The following CLCA1 variants were observed in gnomAD, a reference collection of about 807,000 sequenced individuals.
The protein encoded by CLCA1 is chloride channel accessory 1, also known as calcium-activated chloride channel regulator 1.
In CLCA1, 59 loss-of-function variants were observed where a neutral mutation model predicts 85.6. That is an observed-to-expected ratio of 0.69 (90% CI 0.56 to 0.86). CLCA1 has a LOEUF of 0.86. CLCA1 is among the 40% of genes least tolerant of loss of function. The pLI is 0.00. For missense variants in CLCA1, 1,022 were observed against 1,101.4 expected, an observed-to-expected ratio of 0.93 and a Z score of 1.02; for synonymous variants, 396 against 398.3, an observed-to-expected ratio of 0.99 and a Z score of 0.07.
chr1:86,492,341 A>T (rs758891903), intron 9 of CLCA1, among the ~76,000 whole-genome samples: 11 of 152,306 alleles, frequency 7.2e-5, no homozygotes, highest in Non-Finnish European at 1.5e-4. Flanking sequence ...AAAAGGGAGG[A>T]ATGTCTCCTA....
rs143090083 is a variant in CLCA1 at position 86,469,539 on chromosome 1, C to T, written c.162+406C>T. Among the ~76,000 whole-genome samples the T allele has an allele frequency of 5.7e-3, 875 of 152,286 alleles. 8 individuals carry two copies. Among genetic ancestry groups the T allele is most frequent in the Middle Eastern group, 0.027 (8 of 294 alleles). On this transcript the variant is annotated intron_variant, in intron 1 of 13. Coordinates refer to ENST00000394711, the MANE Select transcript of CLCA1 (RefSeq NM_001285.4). ...CCTTTTATTCTCCTAATAGGAACCC[C>T]CTTCCCTGTGATCCTAAAAGGAGCC...
intron 7 of CLCA1, 40 bp from the exon 8 acceptor site, chr1:86,488,955 AC>A: frequency 6.5e-7 from 1 of 1,536,562 alleles, no homozygotes; most frequent in South Asian, 1.2e-5. Context: ...CACTTTGGCC[AC>A]CCTAAGTCTG....
At chr1:86,491,170 G>A (rs1648124892) in intron 8 of CLCA1, 95 bp from the exon 9 acceptor site, 1 of 755,872 alleles carries the variant, frequency 1.3e-6, no homozygotes, top group African/African-American at 1.7e-5. Flanking sequence ...TAACACAAAG[G>A]GATATTTATA....
Position 86,493,418 on chromosome 1 carries a change from A to G in CLCA1, c.1499A>G (p.Gln500Arg). The change falls in exon 10 of 14, where the codon CAG (glutamine) becomes CGG (arginine). Residue 500 changes from glutamine (Q) to arginine (R), a missense_variant. Physicochemically the swap from Gln to Arg is conservative, Grantham distance 43. Coordinates refer to ENST00000394711, the MANE Select transcript of CLCA1 (RefSeq NM_001285.4). ...ESKGLTLQNSQWMNGTVIVDS... is the reference protein window; with the variant it reads ...ESKGLTLQNSRWMNGTVIVDS... ...AAGGGATTAACCCTCCAGAACAGCC[A>G]GTGGATGAATGGCACAGTGATCGTG... 1 of 1,614,090 alleles carries G rather than the reference A, an allele frequency of 6.2e-7. No homozygotes were observed. The highest frequency in any genetic ancestry group is 8.5e-7 in the Non-Finnish European group (1 of 1,179,972).
chr1:86,482,320 T>C lies in CLCA1; in HGVS notation c.673T>C (p.Phe225Leu). ...VTGLYEKGCE[F>L]VLQSRQTEKA... ...AGGACTCTATGAAAAAGGATGTGAG[T>C]TTGTTCTCCAATCCCGCCAGACGGA... Residue 225 changes from phenylalanine to leucine, a missense_variant, in exon 5 of 14, where the codon TTT becomes CTT. Phe to Leu is a conservative substitution (Grantham distance 22). Coordinates refer to ENST00000394711, the MANE Select transcript of CLCA1 (RefSeq NM_001285.4). 6.2e-7 allele frequency: 1 copy of C among 1,614,058 alleles called. No homozygotes were observed. The highest frequency in any genetic ancestry group is 8.5e-7 in the Non-Finnish European group (1 of 1,179,982).
Position 86,494,360 on chromosome 1 carries a change from C to A in CLCA1, c.1854C>A (p.Ala618=). Residue 618 remains alanine, a synonymous_variant, in exon 11 of 14, where the codon GCC becomes GCA. Coordinates refer to ENST00000394711, the MANE Select transcript of CLCA1 (RefSeq NM_001285.4). ...LVVYANIRQG[A]SPILRASVTA... is the part of the protein sequence containing the mutation. ...TTTATGCAAATATTCGCCAAGGAGC[C>A]TCCCCAATTCTCAGGGCCAGTGTCA... The A allele has an allele frequency of 6.2e-7, 1 of 1,614,168 alleles. No individual in the cohort carries two copies. The highest frequency in any genetic ancestry group is 2.2e-5 in the East Asian group (1 of 44,874).
At chr1:86,497,641 A>T (rs1048834750) in intron 12 of CLCA1, among the ~76,000 whole-genome samples, 1 of 152,338 alleles carries the variant, frequency 6.6e-6, no homozygotes, top group South Asian at 2.1e-4. Flanking sequence ...AAAATTTTGG[A>T]ACCCTAACAT....
chr1:86,492,257 G>A (rs1648153434), intron 9 of CLCA1, among the ~76,000 whole-genome samples: 1 of 152,138 alleles, frequency 6.6e-6, no homozygotes, highest in African/African-American at 2.4e-5. Flanking sequence ...ATTCAATCTA[G>A]GAAGACAGCA....
intron 4 of CLCA1, among the ~76,000 whole-genome samples, chr1:86,479,299 T>C (rs2734692): frequency 0.48 from 72,656 of 151,916 alleles, 17,490 homozygotes; most frequent in Middle Eastern, 0.61. Context: ...GTAGAAACAA[T>C]GCTAAGAAAT....
chr1:86,477,334 T>C (rs536938209), intron 4 of CLCA1, among the ~76,000 whole-genome samples: 1 of 152,302 alleles, frequency 6.6e-6, no homozygotes, highest in South Asian at 2.1e-4. Context: ...GAAACTTATC[T>C]GAAAAACAAT....
At position 86,473,538 on chromosome 1, in the gene CLCA1, A is replaced by G; in HGVS notation, c.284A>G (p.Lys95Arg). 1 of 1,601,462 alleles carries G rather than the reference A, an allele frequency of 6.2e-7. No individual in the cohort carries two copies. Among genetic ancestry groups the G allele is most frequent in the South Asian group, 1.1e-5 (1 of 89,308 alleles). The change falls in exon 2 of 14, where the codon AAA becomes AGA. Residue 95 changes from lysine (K) to arginine (R), a missense_variant. Transcript: ENST00000394711. ...WKTKADYVRP[K>R]LETYKNADVL... ...ACAAAGGCTGACTATGTGAGACCAA[A>G]ACTTGAGACCTACAAAAATGTGAGA...
intron 3 of CLCA1, among the ~76,000 whole-genome samples, chr1:86,475,239 A>C (rs934862125): frequency 1.3e-5 from 2 of 152,170 alleles, no homozygotes; most frequent in African/African-American, 4.8e-5. Flanking sequence ...ACTCTCTCAC[A>C]ATCATCTTTA....
At chr1:86,481,552 G>C (rs959361694) in intron 4 of CLCA1, among the ~76,000 whole-genome samples, 2 of 152,040 alleles carry the variant, frequency 1.3e-5, no homozygotes, top group African/African-American at 2.4e-5. Context: ...TATACAAAGT[G>C]AAAAATGCTT....
chr1:86,473,358 G>T, intron 1 of CLCA1, 59 bp from the exon 2 acceptor site: 1 of 1,255,690 alleles, frequency 8.0e-7, no homozygotes, highest in Non-Finnish European at 1.1e-6. Context: ...GAATTTGAAT[G>T]ACTGATAATT....
chr1:86,489,884 A>G (rs1272573410), intron 8 of CLCA1, among the ~76,000 whole-genome samples: 1 of 152,164 alleles, frequency 6.6e-6, no homozygotes, highest in African/African-American at 2.4e-5. Flanking sequence ...TTTATTCCTA[A>G]TACTACCTGT....
intron 8 of CLCA1, 33 bp from the exon 9 acceptor site, chr1:86,491,232 A>ATAAGCAGCCTCCCC (rs1384737264): frequency 6.5e-7 from 1 of 1,530,144 alleles, no homozygotes; most frequent in Non-Finnish European, 9.0e-7. Flanking sequence ...TGCTTTCTGG[A>ATAAGCAGCCTCCCC]AAATAATTTC....
rs752724305 is a variant in CLCA1 at position 86,489,137 on chromosome 1, G to T, written c.1324G>T (p.Ala442Ser). 1.2e-6 allele frequency: 2 copies of T among 1,614,050 alleles called. No individual in the cohort carries two copies. Among genetic ancestry groups the T allele is most frequent in the South Asian group, 2.2e-5 (2 of 91,074 alleles). Residue 442 changes from alanine (A) to serine (S), a missense_variant, in exon 8 of 14, where the codon GCT becomes TCT. Ala to Ser is a moderately conservative substitution (Grantham distance 99). Coordinates refer to ENST00000394711, the MANE Select transcript of CLCA1 (RefSeq NM_001285.4). ...IHTVALGPSAAQELEELSKMT... is the reference protein window; with the variant it reads ...IHTVALGPSASQELEELSKMT... ...CACAGTCGCTTTGGGGCCCTCTGCA[G>T]CTCAAGAACTAGAGGAGCTGTCCAA...
intron 9 of CLCA1, among the ~76,000 whole-genome samples, chr1:86,491,579 A>T (rs1184236567): frequency 2.0e-5 from 3 of 152,220 alleles, no homozygotes; most frequent in Non-Finnish European, 4.4e-5. Flanking sequence ...TTTGGAAGCA[A>T]TACCAAGTGA....
chr1:86,470,708 G>A (rs982507466), intron 1 of CLCA1, among the ~76,000 whole-genome samples: 1 of 152,172 alleles, frequency 6.6e-6, no homozygotes, highest in Non-Finnish European at 1.5e-5. Flanking sequence ...GAACACTTTA[G>A]TGAATAGAAT....
Sources: allele counts gnomAD v4.1 joint callset (sites outside exome capture counted in the v4.1 genomes callset), GRCh38; gene constraint gnomAD v4.1.1; transcripts MANE v1.5; gene names NCBI Gene and HGNC (gene_info 2026-07-23, HGNC 2026-07-21).